Variants in NLGN1 observed in about 807,000 individuals in gnomAD.
NLGN1 encodes neuroligin 1.
In NLGN1, 12 loss-of-function variants were observed where a neutral mutation model predicts 65.5. That is an observed-to-expected ratio of 0.18 (90% CI 0.12 to 0.30). The LOEUF (loss-of-function observed/expected upper bound fraction) is 0.30. NLGN1 is among the 10% of genes least tolerant of loss of function. The pLI is 1.00. For synonymous variants in NLGN1, 350 were observed against 359.5 expected, an observed-to-expected ratio of 0.97 and a Z score of 0.30; for missense variants, 750 against 1,007.1, an observed-to-expected ratio of 0.74 and a Z score of 3.46.
At chr3:174,170,265 C>A (rs1728271001) in intron 4 of NLGN1, among the ~76,000 whole-genome samples, 1 of 151,078 alleles carries the variant, frequency 6.6e-6, no homozygotes, top group African/African-American at 2.4e-5. Flanking sequence ...GTCCATCAAA[C>A]ATTTCCCACC....
rs1377002660 is a variant in NLGN1 at position 173,889,991 on chromosome 3, GT to G, written c.646+82160del. On this transcript the variant is annotated intron_variant, in intron 4 of 6. Transcript: ENST00000457714. ...TTCTCTTTTGTGTATGTATGAGGGT[GT>G]GTGTGTGTGTGTGTGTGTGTTTAAT... Among the ~76,000 whole-genome samples the G allele has an allele frequency of 3.2e-3, 456 of 143,450 alleles. 3 individuals are homozygous for G. The highest frequency in any genetic ancestry group is 0.012 in the African/African-American group (442 of 35,644). The allele number at this position is 143,450 out of a possible 152,430, so 94.1% of individuals were successfully genotyped here.
At chr3:173,643,551 A>C (rs1757738105) in intron 3 of NLGN1, among the ~76,000 whole-genome samples, 1 of 152,206 alleles carries the variant, frequency 6.6e-6, no homozygotes, top group Admixed American at 6.5e-5. Context: ...AAAAGCAAAA[A>C]TCAAAAAGCT....
intron 2 of NLGN1, among the ~76,000 whole-genome samples, chr3:173,476,363 T>A (rs541127250): frequency 6.6e-6 from 1 of 152,338 alleles, no homozygotes; most frequent in Non-Finnish European, 1.5e-5. Context: ...ATGTTGTAAC[T>A]TTTAGGAGTT....
intron 2 of NLGN1, among the ~76,000 whole-genome samples, chr3:173,568,562 C>T (rs999407566): frequency 6.6e-6 from 1 of 152,142 alleles, no homozygotes; most frequent in Non-Finnish European, 1.5e-5. Flanking sequence ...CTTATTCCTC[C>T]TAATTGAAAT....
At chr3:173,509,841 AT>A (rs1176496169) in intron 2 of NLGN1, among the ~76,000 whole-genome samples, 3 of 152,142 alleles carry the variant, frequency 2.0e-5, no homozygotes, top group Non-Finnish European at 4.4e-5. Flanking sequence ...ATTATTGTAT[AT>A]TTTTTCTATA....
intron 4 of NLGN1, among the ~76,000 whole-genome samples, chr3:173,913,688 T>C (rs531583228): frequency 6.6e-6 from 1 of 152,192 alleles, no homozygotes; most frequent in African/African-American, 2.4e-5. Context: ...GCAAAAAGTA[T>C]GTCGAGCAGA....
intron 4 of NLGN1, among the ~76,000 whole-genome samples, chr3:173,847,942 C>A (rs1034388964): frequency 6.6e-6 from 1 of 152,180 alleles, no homozygotes; most frequent in African/African-American, 2.4e-5. Context: ...TCTACTTTCA[C>A]CTTTTCCTCA....
chr3:173,933,763 G>C (rs1348449888), intron 4 of NLGN1, among the ~76,000 whole-genome samples: 1 of 152,074 alleles, frequency 6.6e-6, no homozygotes, highest in Non-Finnish European at 1.5e-5. Flanking sequence ...CCATTAGGCA[G>C]TGACTAGGTT....
chr3:173,422,704 T>C (rs930464916), intron 1 of NLGN1, among the ~76,000 whole-genome samples: 2 of 152,204 alleles, frequency 1.3e-5, no homozygotes, highest in Non-Finnish European at 2.9e-5. Flanking sequence ...TTGATTTGTA[T>C]TTCTCTGATG....
chr3:173,730,327 C>G lies in NLGN1; in HGVS notation c.494-77353C>G, dbSNP rs868479698. The stretch of plus-strand genomic sequence containing the variant: ...ACACACTACTGCCCCACCGCTCCCC[C>G]CCCCCCGCAAAAATAGAATGAAAGC... On this transcript the variant is annotated intron_variant, in intron 3 of 6. Transcript: ENST00000457714. 2.4e-4 allele frequency among the ~76,000 whole-genome samples: 33 copies of G among 138,310 alleles called. 2 individuals carry two copies. Among genetic ancestry groups the G allele is most frequent in the South Asian group, 4.7e-4 (2 of 4,248 alleles). 90.7% of individuals were successfully genotyped at this position (138,310 alleles called of 152,430 possible). A position where few individuals can be genotyped will look rare whatever the true frequency, so the allele number is the denominator to read the frequency against.
chr3:173,868,046 C>G (rs1430530125), intron 4 of NLGN1, among the ~76,000 whole-genome samples: 1 of 152,144 alleles, frequency 6.6e-6, no homozygotes, highest in Non-Finnish European at 1.5e-5. Context: ...TATTACAAAC[C>G]TGTAACTTTT....
At position 173,921,516 on chromosome 3, in the gene NLGN1, T is replaced by G. The variant is rs138110221; in HGVS notation, c.646+113684T>G. Among the ~76,000 whole-genome samples, 502 of 151,978 alleles carry G rather than the reference T, an allele frequency of 3.3e-3. 4 individuals are homozygous for G. The highest frequency in any genetic ancestry group is 0.011 in the African/African-American group (462 of 41,512). On this transcript the variant is annotated intron_variant, in intron 4 of 6. Coordinates refer to ENST00000457714, the Ensembl canonical transcript of NLGN1. Reference sequence around the variant, plus strand: ...TCATTTATTTTACCCTAGGAAAATATTATTTCTCAGCAACTCAAATTTAAT... The same window carrying G: ...TCATTTATTTTACCCTAGGAAAATAGTATTTCTCAGCAACTCAAATTTAAT...
chr3:173,975,067 A>C (rs1316510104), intron 4 of NLGN1, among the ~76,000 whole-genome samples: 1 of 152,020 alleles, frequency 6.6e-6, no homozygotes, highest in Non-Finnish European at 1.5e-5. Context: ...ACATGTTTCT[A>C]GGGCTGGGGT....
intron 4 of NLGN1, among the ~76,000 whole-genome samples, chr3:173,970,884 A>G (rs150967879): frequency 3.9e-4 from 60 of 152,288 alleles, no homozygotes; most frequent in African/African-American, 1.4e-3. Context: ...ATGGAGGAGT[A>G]GGGTGCTACT....
At chr3:173,623,442 A>C (rs780980490) in intron 3 of NLGN1, among the ~76,000 whole-genome samples, 5 of 152,278 alleles carry the variant, frequency 3.3e-5, no homozygotes, top group Non-Finnish European at 7.4e-5. Flanking sequence ...TAAAGTGAAC[A>C]ATCAGAAAAT....
Position 174,280,300 on chromosome 3 carries a change from A to T in NLGN1, c.1650-181A>T, listed in dbSNP as rs1365753433. ...ATGTGAGACTTACTTGCCTTCCATT[A>T]TCACCCATCTAACAATATGCCTGCT... On this transcript the variant is annotated intron_variant, in intron 6 of 6. Coordinates refer to ENST00000457714, the Ensembl canonical transcript of NLGN1. This position sits in a 1 kb window ranked among gnomAD's most constrained non-coding sequence, Gnocchi z 4.9. Among the ~76,000 whole-genome samples the T allele has an allele frequency of 2.6e-5, 4 of 152,088 alleles. No individual in the cohort carries two copies. Among genetic ancestry groups the T allele is most frequent in the Non-Finnish European group, 1.5e-5 (1 of 67,930 alleles).
At chr3:173,716,903 G>C (rs187379466) in intron 3 of NLGN1, among the ~76,000 whole-genome samples, 1 of 152,088 alleles carries the variant, frequency 6.6e-6, no homozygotes, top group Non-Finnish European at 1.5e-5. Context: ...CTGAAGGGGT[G>C]GGGGGTCTGC....
chr3:173,988,472 C>T (rs1398290319), intron 4 of NLGN1, among the ~76,000 whole-genome samples: 1 of 152,060 alleles, frequency 6.6e-6, no homozygotes, highest in Admixed American at 6.6e-5. Flanking sequence ...TTTCCTATAG[C>T]CACTACTTTT....
At chr3:173,752,533 T>C (rs1000753140) in intron 3 of NLGN1, among the ~76,000 whole-genome samples, 9 of 152,090 alleles carry the variant, frequency 5.9e-5, no homozygotes, top group African/African-American at 2.2e-4. Context: ...TCTTCCTTAT[T>C]TATCATAGCA....
Sources: allele counts gnomAD v4.1 joint callset (sites outside exome capture counted in the v4.1 genomes callset), GRCh38; gene constraint gnomAD v4.1.1; non-coding constraint Gnocchi (gnomAD v3.1); transcripts MANE v1.5; gene names NCBI Gene and HGNC (gene_info 2026-07-23, HGNC 2026-07-21).